Variants in CELF2 observed in about 807,000 individuals in gnomAD.
CELF2 encodes CUGBP Elav-like family member 2, also known as CUG triplet repeat RNA-binding protein 2.
A neutral mutation model predicts 62.6 loss-of-function variants in CELF2; 8 were observed. The ratio of observed to expected loss-of-function variants is 0.13; its 90% CI spans 0.07 to 0.23. The LOEUF is 0.23. Ranked by LOEUF, CELF2 falls within the 10% of genes least tolerant of loss-of-function variation. CELF2 has a pLI of 1.00. For synonymous variants in CELF2, 258 were observed against 250.0 expected, an observed-to-expected ratio of 1.03 and a Z score of -0.30; for missense variants, 333 against 671.0, an observed-to-expected ratio of 0.50 and a Z score of 5.56.
At chr10:10,736,396 CTTTT>C in the CELF2 span, among the ~76,000 whole-genome samples, 1 of 75,992 alleles carries the variant, frequency 1.3e-5, no homozygotes, top group East Asian at 2.9e-4. Flanking sequence ...TTCTTTCTTT[CTTTT>C]TTTTTTTTTT....
the CELF2 span, among the ~76,000 whole-genome samples, chr10:10,548,511 C>T: frequency 6.6e-6 from 1 of 152,122 alleles, no homozygotes; most frequent in Non-Finnish European, 1.5e-5. Flanking sequence ...AGTATGTTTG[C>T]CATTTTTGAA....
chr10:10,870,080 TAGG>T (rs2060640043), intron 1 of CELF2, among the ~76,000 whole-genome samples: 1 of 152,160 alleles, frequency 6.6e-6, no homozygotes, highest in Non-Finnish European at 1.5e-5. Context: ...TGCAAAGAAA[TAGG>T]AGATGGTTAA....
At chr10:11,254,312 G>T (rs1217902651) in intron 4 of CELF2, among the ~76,000 whole-genome samples, 1 of 152,260 alleles carries the variant, frequency 6.6e-6, no homozygotes, top group Non-Finnish European at 1.5e-5. Context: ...TGGCTAGTAA[G>T]AGATTCCCAA....
At chr10:10,777,358 A>T in the CELF2 span, among the ~76,000 whole-genome samples, 91 of 152,210 alleles carry the variant, frequency 6.0e-4, no homozygotes, top group Non-Finnish European at 1.3e-3. Context: ...TGAATTCATA[A>T]TCATCTTGTC....
Position 10,938,506 on chromosome 10 carries a change from A to C in CELF2, c.89+18507A>C, listed in dbSNP as rs1281207224. Among the ~76,000 whole-genome samples, 1 of 152,256 alleles carries C rather than the reference A, an allele frequency of 6.6e-6. No homozygotes were observed. On this transcript the variant is annotated intron_variant, in intron 2 of 13. Coordinates refer to the CELF2 transcript ENST00000636488. The surrounding 1 kb of genome is among the most constrained non-coding windows in gnomAD (Gnocchi z 4.2). Reference sequence around the variant, plus strand: ...TTGTGACACTGAGGGATATGTTAAAATACCATTGCAAACATGTCAGGCAAC... The same window carrying C: ...TTGTGACACTGAGGGATATGTTAAACTACCATTGCAAACATGTCAGGCAAC...
intron 1 of CELF2, among the ~76,000 whole-genome samples, chr10:10,851,272 C>T (rs1180627148): frequency 6.6e-6 from 1 of 152,156 alleles, no homozygotes; most frequent in Non-Finnish European, 1.5e-5. Flanking sequence ...CATTCTTGGG[C>T]ATTTATCCCA....
chr10:10,870,620 AC>A (rs1337139315), intron 1 of CELF2, among the ~76,000 whole-genome samples: 1 of 152,212 alleles, frequency 6.6e-6, no homozygotes, highest in Non-Finnish European at 1.5e-5. Flanking sequence ...GAGAATTAGG[AC>A]CAAAAATGGG....
chr10:10,770,595 A>G, the CELF2 span, among the ~76,000 whole-genome samples: 1 of 152,114 alleles, frequency 6.6e-6, no homozygotes, highest in Non-Finnish European at 1.5e-5. Context: ...CTGTGGCCAG[A>G]AAGTAAAATA....
chr10:11,284,455 T>C (rs1205250531), intron 8 of CELF2, among the ~76,000 whole-genome samples: 2 of 147,536 alleles, frequency 1.4e-5, no homozygotes, highest in African/African-American at 5.1e-5. Context: ...GGTGGGTGGA[T>C]GAGGGATGAG....
chr10:11,155,211 G>A (rs1244109258), intron 1 of CELF2, among the ~76,000 whole-genome samples: 1 of 152,198 alleles, frequency 6.6e-6, no homozygotes, highest in African/African-American at 2.4e-5. Context: ...AATTTATTGA[G>A]CTTAATGTGA....
At chr10:11,082,087 G>A (rs2477023) in intron 1 of CELF2, among the ~76,000 whole-genome samples, 1 of 152,086 alleles carries the variant, frequency 6.6e-6, no homozygotes, top group East Asian at 1.9e-4. Context: ...CCTTGCTTCT[G>A]TTTGGACCCA....
chr10:10,785,377 T>C, the CELF2 span, among the ~76,000 whole-genome samples: 1 of 152,186 alleles, frequency 6.6e-6, no homozygotes, highest in Non-Finnish European at 1.5e-5. Context: ...ACTGGCTATA[T>C]ATCCAAAGGA....
At chr10:11,024,965 G>A (rs1464788861) in intron 1 of CELF2, among the ~76,000 whole-genome samples, 1 of 152,100 alleles carries the variant, frequency 6.6e-6, no homozygotes, top group Non-Finnish European at 1.5e-5. Context: ...TGAAAGTCTT[G>A]ATTTTATGCT....
chr10:11,180,780 T>C (rs1032172261), intron 2 of CELF2, among the ~76,000 whole-genome samples: 7 of 152,242 alleles, frequency 4.6e-5, no homozygotes, highest in African/African-American at 1.4e-4. Context: ...ATACTACTTA[T>C]GGTGCCCATT....
At position 11,242,259 on chromosome 10, in the gene CELF2, T is replaced by C. The variant is rs928418716; in HGVS notation, c.355-6894T>C. On this transcript the variant is annotated intron_variant, in intron 3 of 12. Transcript: ENST00000633077. This position sits in a 1 kb window ranked among gnomAD's most constrained non-coding sequence, Gnocchi z 4.8. Reference sequence around the variant, plus strand: ...AAATGGCATGTTTTATTGAATCTCATGTTAAAGGTGGTTAACTCATCAATT... The same window carrying C: ...AAATGGCATGTTTTATTGAATCTCACGTTAAAGGTGGTTAACTCATCAATT... 6.6e-6 allele frequency among the ~76,000 whole-genome samples: 1 copy of C among 152,220 alleles called. No individual in the cohort carries two copies. The highest frequency in any genetic ancestry group is 2.4e-5 in the African/African-American group (1 of 41,446).
intron 2 of CELF2, among the ~76,000 whole-genome samples, chr10:10,987,204 A>G (rs1359100889): frequency 6.6e-6 from 1 of 152,188 alleles, no homozygotes; most frequent in East Asian, 1.9e-4. Context: ...TGATCATTTT[A>G]GAATACCTTG....
At chr10:10,981,442 C>T (rs74648482) in intron 2 of CELF2, among the ~76,000 whole-genome samples, 7 of 152,240 alleles carry the variant, frequency 4.6e-5, no homozygotes, top group African/African-American at 1.4e-4. Flanking sequence ...TTGAAGAATC[C>T]GCAGCGACGG....
chr10:10,575,580 T>C, the CELF2 span, among the ~76,000 whole-genome samples: 1 of 152,174 alleles, frequency 6.6e-6, no homozygotes. Context: ...GATGACTCTC[T>C]CACCATGTGG....
intron 1 of CELF2, among the ~76,000 whole-genome samples, chr10:11,149,094 G>A (rs12098749): frequency 0.015 from 2,255 of 151,900 alleles, 46 homozygotes; most frequent in African/African-American, 0.051. Context: ...TTCCCAAGTC[G>A]GAGTCTCCTT....
Sources: gnomAD v4.1 joint callset for allele counts (sites outside exome capture counted in the v4.1 genomes callset) on GRCh38, gnomAD v4.1.1 for gene constraint, Gnocchi (gnomAD v3.1) non-coding constraint, MANE v1.5 for transcripts, NCBI Gene and HGNC (gene_info 2026-07-23, HGNC 2026-07-21) for gene names.